ASAP1: variants seen among roughly 807,000 people sequenced by gnomAD.
ASAP1 encodes the protein arf-GAP with SH3 domain, ANK repeat and PH domain-containing protein 1.
A neutral mutation model predicts 145.2 loss-of-function variants in ASAP1; 43 were observed. The ratio of observed to expected loss-of-function variants is 0.30; its 90% CI spans 0.23 to 0.38. ASAP1 has a LOEUF of 0.38. ASAP1 is among the 10% of genes least tolerant of loss of function. ASAP1 has a pLI of 1.00. For missense variants in ASAP1, 1,018 were observed against 1,355.3 expected, an observed-to-expected ratio of 0.75 and a Z score of 3.91; for synonymous variants, 546 against 515.5, an observed-to-expected ratio of 1.06 and a Z score of -0.80.
chr8:130,417,966 T>C (rs1192219596), intron 1 of ASAP1, among the ~76,000 whole-genome samples: 1 of 152,190 alleles, frequency 6.6e-6, no homozygotes, highest in African/African-American at 2.4e-5. Context: ...GAACACTCAC[T>C]GGACTAGCCA....
At chr8:130,071,590 T>C (rs2097446744) in intron 27 of ASAP1, among the ~76,000 whole-genome samples, 1 of 152,084 alleles carries the variant, frequency 6.6e-6, no homozygotes, top group African/African-American at 2.4e-5. Context: ...GAAGGAGAAA[T>C]AGTAGCTGAG....
At chr8:130,366,378 G>T (rs1826948952) in intron 2 of ASAP1, among the ~76,000 whole-genome samples, 1 of 152,182 alleles carries the variant, frequency 6.6e-6, no homozygotes, top group South Asian at 2.1e-4. Flanking sequence ...CCTTTACCCA[G>T]AGAAGCTTCC....
intron 3 of ASAP1, among the ~76,000 whole-genome samples, chr8:130,296,940 G>C (rs1822316893): frequency 6.6e-6 from 1 of 151,782 alleles, no homozygotes; most frequent in Admixed American, 6.6e-5. Flanking sequence ...TGTCTTTTTT[G>C]GGGGGCTAAG....
intron 12 of ASAP1, 131 bp downstream of exon 12, chr8:130,159,733 A>C: frequency 1.4e-6 from 1 of 703,044 alleles, no homozygotes; most frequent in Admixed American, 2.5e-5. Flanking sequence ...GATTTACTTG[A>C]AGAAAACCAG....
chr8:130,178,170 T>C (rs1234880069), intron 9 of ASAP1, among the ~76,000 whole-genome samples: 2 of 152,230 alleles, frequency 1.3e-5, no homozygotes, highest in African/African-American at 4.8e-5. Context: ...TTTAACTTTT[T>C]TGAGAGTATT....
At chr8:130,330,198 C>T (rs1281579831) in intron 3 of ASAP1, among the ~76,000 whole-genome samples, 1 of 152,206 alleles carries the variant, frequency 6.6e-6, no homozygotes, top group East Asian at 1.9e-4. Flanking sequence ...CTTCATCAAA[C>T]CAAACTGAGT....
intron 3 of ASAP1, among the ~76,000 whole-genome samples, chr8:130,280,354 A>G (rs1388813692): frequency 6.6e-6 from 1 of 152,250 alleles, no homozygotes; most frequent in African/African-American, 2.4e-5. Context: ...AATTGTGATT[A>G]TATGTCCCAA....
chr8:130,115,212 T>A (rs2097553228), intron 23 of ASAP1, among the ~76,000 whole-genome samples: 1 of 152,208 alleles, frequency 6.6e-6, no homozygotes, highest in Non-Finnish European at 1.5e-5. Context: ...GATGTGGGTG[T>A]GCCTCACCTA....
At chr8:130,193,991 C>T (rs1020712324) in intron 5 of ASAP1, among the ~76,000 whole-genome samples, 27 of 152,098 alleles carry the variant, frequency 1.8e-4, no homozygotes, top group African/African-American at 6.3e-4. Flanking sequence ...TGCTCCGCCA[C>T]ACATAGTAAC....
chr8:130,409,287 T>C (rs111821974), intron 1 of ASAP1, among the ~76,000 whole-genome samples: 2,041 of 151,780 alleles, frequency 0.013, 50 homozygotes, highest in African/African-American at 0.047. Context: ...AAACCTCCTC[T>C]CCTGTGGTGA....
chr8:130,408,959 G>GT (rs1272248354), intron 1 of ASAP1, among the ~76,000 whole-genome samples: 24 of 152,100 alleles, frequency 1.6e-4, no homozygotes, highest in African/African-American at 5.8e-4. Flanking sequence ...GTTCATAGAG[G>GT]TAAGTCAAAT....
At chr8:130,261,779 C>G (rs890405642) in intron 3 of ASAP1, among the ~76,000 whole-genome samples, 2 of 151,968 alleles carry the variant, frequency 1.3e-5, no homozygotes, top group Non-Finnish European at 2.9e-5. Flanking sequence ...GGGCAAGGGA[C>G]CTGGGGCGGA....
intron 2 of ASAP1, among the ~76,000 whole-genome samples, chr8:130,379,628 T>C (rs7844582): frequency 0.24 from 36,538 of 151,884 alleles, 4,788 homozygotes; most frequent in African/African-American, 0.33. Flanking sequence ...AATTGGAGAA[T>C]TGCTTGGTAT....
chr8:130,269,116 A>G (rs907396234), intron 3 of ASAP1, among the ~76,000 whole-genome samples: 10 of 152,346 alleles, frequency 6.6e-5, no homozygotes, highest in Admixed American at 1.3e-4. Flanking sequence ...TGAAACCAGA[A>G]CAGGCCTTGA....
At chr8:130,056,127 T>C (rs2097403529) in intron 29 of ASAP1, among the ~76,000 whole-genome samples, 1 of 152,242 alleles carries the variant, frequency 6.6e-6, no homozygotes, top group Admixed American at 6.5e-5. Context: ...GATTACAAAG[T>C]GAGTTCCTCA....
At chr8:130,339,195 A>G (rs1303165863) in intron 3 of ASAP1, among the ~76,000 whole-genome samples, 2 of 152,240 alleles carry the variant, frequency 1.3e-5, no homozygotes, top group Non-Finnish European at 2.9e-5. Context: ...ACACTTAACC[A>G]GTAGCCACCC....
intron 18 of ASAP1, among the ~76,000 whole-genome samples, chr8:130,119,305 C>T (rs2097561673): frequency 6.6e-6 from 1 of 152,164 alleles, no homozygotes; most frequent in African/African-American, 2.4e-5. Flanking sequence ...ACTGAAGCAA[C>T]TCCCCCAGGC....
intron 3 of ASAP1, among the ~76,000 whole-genome samples, chr8:130,302,396 CA>C (rs1181015934): frequency 1.3e-5 from 2 of 152,152 alleles, no homozygotes; most frequent in East Asian, 3.9e-4. Flanking sequence ...ACAGCTATCT[CA>C]AAGGCAGAAA....
chr8:130,090,312 A>C (rs1026648732), intron 25 of ASAP1, among the ~76,000 whole-genome samples: 9 of 152,342 alleles, frequency 5.9e-5, no homozygotes, highest in Non-Finnish European at 1.0e-4. Context: ...GAAATTTGGA[A>C]AGGAGGTTAA....
Sources: allele counts gnomAD v4.1 joint callset (sites outside exome capture counted in the v4.1 genomes callset), GRCh38; gene constraint gnomAD v4.1.1; transcripts MANE v1.5; gene names NCBI Gene and HGNC (gene_info 2026-07-23, HGNC 2026-07-21).